OTUD7A: variants seen among roughly 807,000 people sequenced by gnomAD.
The protein encoded by OTUD7A is OTU deubiquitinase 7A.
A neutral mutation model predicts 65.7 loss-of-function variants in OTUD7A; 12 were observed. The ratio of observed to expected loss-of-function variants is 0.18; its 90% CI spans 0.12 to 0.30. The LOEUF is 0.30. OTUD7A is among the 10% of genes least tolerant of loss of function. The pLI is 1.00. For synonymous variants in OTUD7A, 641 were observed against 586.3 expected (o/e 1.09, Z -1.35); for missense variants, 1,148 against 1,304.8 (o/e 0.88, Z 1.85).
rs2041415294 is a variant in OTUD7A, at chr15:31,498,155, T to C, written c.1171+3535A>G. On this transcript the variant is annotated intron_variant, in intron 10 of 12. Transcript: ENST00000307050. The surrounding 1 kb of genome is among the most constrained non-coding windows in gnomAD (Gnocchi z 4.2). ...AAGAGTTAGCTGCCATTTTGGACTGTAGAGCCTCCTGGGGTATTTGAGGGT... is the reference window on the plus strand; with the variant it reads ...AAGAGTTAGCTGCCATTTTGGACTGCAGAGCCTCCTGGGGTATTTGAGGGT... Among the ~76,000 whole-genome samples, 1 of 152,202 alleles carries C rather than the reference T, an allele frequency of 6.6e-6. No individual in the cohort carries two copies. The highest frequency in any genetic ancestry group is 2.1e-4 in the South Asian group (1 of 4,828).
intron 1 of OTUD7A, among the ~76,000 whole-genome samples, chr15:31,822,354 C>A (rs1215281757): frequency 6.6e-6 from 1 of 152,198 alleles, no homozygotes; most frequent in Non-Finnish European, 1.5e-5. Context: ...TGACTGGGAA[C>A]CCTTGGGCAT....
At chr15:31,768,403 A>T (rs2140910633) in intron 1 of OTUD7A, among the ~76,000 whole-genome samples, 1 of 152,290 alleles carries the variant, frequency 6.6e-6, no homozygotes. Flanking sequence ...TTATGCCTGT[A>T]ATCCTAGCAC....
At chr15:31,638,751 C>T (rs1363389716) in intron 3 of OTUD7A, among the ~76,000 whole-genome samples, 2 of 152,202 alleles carry the variant, frequency 1.3e-5, no homozygotes, top group African/African-American at 2.4e-5. Context: ...TGCTTTATTG[C>T]TATATTTATT....
intron 5 of OTUD7A, chr15:31,558,667 G>GA (rs1888579568): frequency 2.3e-6 from 1 of 433,200 alleles, no homozygotes; most frequent in Admixed American, 3.6e-5. Context: ...GTTGTCTGGG[G>GA]AAAGAGAGAA....
At chr15:31,601,319 CACA>C (rs1290424243) in intron 3 of OTUD7A, among the ~76,000 whole-genome samples, 1 of 152,154 alleles carries the variant, frequency 6.6e-6, no homozygotes, top group Non-Finnish European at 1.5e-5. Context: ...CCCAAAACTG[CACA>C]ACAACATGGA....
In OTUD7A at chr15:31,837,460, C is replaced by T. The variant is rs188277044; in HGVS notation, c.-100+33047G>A. On this transcript the variant is annotated intron_variant, in intron 1 of 12. Transcript: ENST00000307050. ...ACTCAGGAGGCTGAGGCAGGAGAATCGCTTGAACCCAGGAGGCAGAGGTTG... is the reference window on the plus strand; with the variant it reads ...ACTCAGGAGGCTGAGGCAGGAGAATTGCTTGAACCCAGGAGGCAGAGGTTG... Among the ~76,000 whole-genome samples the T allele has an allele frequency of 4.2e-3, 644 of 151,608 alleles. 3 individuals are homozygous for T. Among genetic ancestry groups the T allele is most frequent in the African/African-American group, 0.014 (594 of 41,306 alleles).
intron 8 of OTUD7A, among the ~76,000 whole-genome samples, chr15:31,506,851 T>C (rs1303098553): frequency 6.6e-6 from 1 of 152,168 alleles, no homozygotes; most frequent in Non-Finnish European, 1.5e-5. Flanking sequence ...CTTGGCATGA[T>C]GGATTATTTT....
chr15:31,799,339 C>A (rs933780216), intron 1 of OTUD7A, among the ~76,000 whole-genome samples: 8 of 152,196 alleles, frequency 5.3e-5, no homozygotes, highest in Admixed American at 2.0e-4. Context: ...CTCCATTACA[C>A]AGTTCCTAAG....
rs772574742 is a variant in OTUD7A at position 31,808,136 on chromosome 15, C to CACACACACACAAAA, written c.-100+62370_-100+62371insTTTTGTGTGTGTGT. ...ACACACACACACACACACACACACA[C>CACACACACACAAAA]AAACAAATCCTCACCAGGTTTTTCC... On this transcript the variant is annotated intron_variant, in intron 1 of 12. Transcript: ENST00000307050. Among the ~76,000 whole-genome samples, 900 of 119,358 alleles carry CACACACACACAAAA rather than the reference C, an allele frequency of 7.5e-3. 18 individuals are homozygous for CACACACACACAAAA. Among genetic ancestry groups the CACACACACACAAAA allele is most frequent in the East Asian group, 0.029 (121 of 4,200 alleles). The allele number at this position is 119,358 out of a possible 152,430, so 78.3% of individuals were successfully genotyped here.
chr15:31,485,120 A>C (rs953920884), intron 12 of OTUD7A, among the ~76,000 whole-genome samples: 3 of 152,184 alleles, frequency 2.0e-5, no homozygotes, highest in Non-Finnish European at 4.4e-5. Flanking sequence ...TAGAACGGTC[A>C]GGTTCAGACT....
chr15:31,572,844 G>A (rs1889092555), intron 3 of OTUD7A, among the ~76,000 whole-genome samples: 1 of 151,214 alleles, frequency 6.6e-6, no homozygotes, highest in Admixed American at 6.6e-5. Flanking sequence ...AGACAAAACA[G>A]AAATAAAGAA....
At chr15:31,657,351 C>A (rs1358545273) in intron 1 of OTUD7A, among the ~76,000 whole-genome samples, 1 of 151,456 alleles carries the variant, frequency 6.6e-6, no homozygotes, top group Non-Finnish European at 1.5e-5. Flanking sequence ...CTGTTTTTTC[C>A]TTTTCCTTTT....
chr15:31,479,671 G>GGC lies in OTUD7A; in HGVS notation c.*3622_*3623insGC, dbSNP rs1555388193. Reference sequence around the variant, plus strand: ...TTTGTGGACACTAAGTGGGGGGGGGGGGTGATGGGCCCATGACCCCTCCCC... The same window carrying GGC: ...TTTGTGGACACTAAGTGGGGGGGGGGGCGGTGATGGGCCCATGACCCCTCCCC... On this transcript the variant is annotated 3_prime_UTR_variant, in exon 13 of 13. Coordinates refer to ENST00000307050, the MANE Select transcript of OTUD7A (RefSeq NM_001382637.1). 1 of 71,972 alleles carries GGC rather than the reference G, an allele frequency of 1.4e-5. No individual in the cohort carries two copies. The highest frequency in any genetic ancestry group is 4.7e-5 in the African/African-American group (1 of 21,378). The allele number at this position is 71,972 out of a possible 1,614,324, so 4.5% of individuals were successfully genotyped here.
chr15:31,479,423 A>G lies in OTUD7A; in HGVS notation c.*3871T>C, dbSNP rs1318327872. On this transcript the variant is annotated 3_prime_UTR_variant, in exon 13 of 13. Coordinates refer to ENST00000307050, the MANE Select transcript of OTUD7A (RefSeq NM_001382637.1). ...AGGAGAAAAAAAATCATGGCCATAA[A>G]GAAAGGAGCCCCAAACATACAGTAG... The G allele has an allele frequency of 6.6e-6, 1 of 152,226 alleles. No individual in the cohort carries two copies. 9.4% of individuals were successfully genotyped at this position (152,226 alleles called of 1,614,324 possible). A position where few individuals can be genotyped will look rare whatever the true frequency, so the allele number is the denominator to read the frequency against.
At chr15:31,784,781 G>C (rs1320829153) in intron 1 of OTUD7A, among the ~76,000 whole-genome samples, 1 of 152,178 alleles carries the variant, frequency 6.6e-6, no homozygotes, top group East Asian at 1.9e-4. Flanking sequence ...CTGAGTGCTT[G>C]AAATGTTTCA....
At chr15:31,732,266 C>T (rs545016932) in intron 1 of OTUD7A, among the ~76,000 whole-genome samples, 2 of 152,198 alleles carry the variant, frequency 1.3e-5, no homozygotes, top group Non-Finnish European at 2.9e-5. Flanking sequence ...AGAAGTTATT[C>T]CTGACTGGTA....
chr15:31,651,964 T>C lies in OTUD7A; in HGVS notation c.151+3132A>G, dbSNP rs369718335. 3.9e-4 allele frequency among the ~76,000 whole-genome samples: 48 copies of C among 122,944 alleles called. No individual in the cohort carries two copies. In the South Asian group the frequency reaches 0.012, roughly 30 times the overall value. 80.7% of individuals were successfully genotyped at this position (122,944 alleles called of 152,430 possible). ...TCTCAGCAAAACAGTTTAGAGTAGA[T>C]AGAGGTAAGCAGATCCTAAAGTTCA... is the stretch of plus-strand genomic sequence containing the variant. On this transcript the variant is annotated intron_variant, in intron 3 of 12. Transcript: ENST00000307050.
intron 1 of OTUD7A, among the ~76,000 whole-genome samples, chr15:31,666,243 T>C (rs1238339979): frequency 6.6e-6 from 1 of 152,156 alleles, no homozygotes; most frequent in African/African-American, 2.4e-5. Context: ...TGAATCCATC[T>C]GGTCCTGGAC....
At chr15:31,738,611 T>G (rs1894255657) in intron 1 of OTUD7A, among the ~76,000 whole-genome samples, 1 of 152,190 alleles carries the variant, frequency 6.6e-6, no homozygotes, top group South Asian at 2.1e-4. Flanking sequence ...GACCAGCACC[T>G]ATGCTGCCTC....
Sources: gnomAD v4.1 joint callset for allele counts (sites outside exome capture counted in the v4.1 genomes callset) on GRCh38, gnomAD v4.1.1 for gene constraint, Gnocchi (gnomAD v3.1) non-coding constraint, MANE v1.5 for transcripts, NCBI Gene and HGNC (gene_info 2026-07-23, HGNC 2026-07-21) for gene names.